CAB39: variants seen among roughly 807,000 people sequenced by gnomAD.
CAB39 encodes the protein calcium binding protein 39.
Under a neutral mutation model 40.0 loss-of-function variants are expected in CAB39, and 8 were observed. The observed-to-expected ratio is 0.20, with a 90% CI of 0.12 to 0.36. The LOEUF (loss-of-function observed/expected upper bound fraction) is 0.36. Among genes scored for constraint, CAB39 ranks in the 10% least tolerant of loss-of-function variants. The probability of loss-of-function intolerance (pLI) is 1.00; values close to 1 mark genes in which losing one functional copy is unlikely to be tolerated. For missense variants in CAB39, 270 were observed against 401.1 expected (o/e 0.67, Z 2.79); for synonymous variants, 156 against 141.6 (o/e 1.10, Z -0.72).
Position 230,768,253 on chromosome 2 carries a change from G to C in CAB39, c.114+8138G>C, listed in dbSNP as rs73093075. Among the ~76,000 whole-genome samples, 856 of 152,192 alleles carry C rather than the reference G, an allele frequency of 5.6e-3. 7 individuals are homozygous for C. Among genetic ancestry groups the C allele is most frequent in the African/African-American group, 0.019 (805 of 41,518 alleles). ...GACTGAGGAGAGAGTACCATAGCTA[G>C]GTATGTTCTCTGGATTCTGTGATGG... On this transcript the variant is annotated intron_variant, in intron 2 of 8. Coordinates refer to ENST00000258418, the MANE Select transcript of CAB39 (RefSeq NM_016289.4).
chr2:230,742,155 T>TTTTGTTTG lies in CAB39; in HGVS notation c.-43-17776_-43-17769dup, dbSNP rs147143513. 6.2e-3 allele frequency among the ~76,000 whole-genome samples: 940 copies of TTTTGTTTG among 151,106 alleles called. 9 individuals are homozygous for TTTTGTTTG. Among genetic ancestry groups the TTTTGTTTG allele is most frequent in the African/African-American group, 0.021 (857 of 41,088 alleles). On this transcript the variant is annotated intron_variant, in intron 1 of 8. Transcript: ENST00000258418. ...TTACAGATAAGTCTTTTTTGTTTTG[T>TTTTGTTTG]TTTGTTTGTTTGTTTGTTTGTTTGT...
intron 1 of CAB39, among the ~76,000 whole-genome samples, chr2:230,753,337 A>G (rs1279971706): frequency 6.6e-6 from 1 of 152,208 alleles, no homozygotes; most frequent in Non-Finnish European, 1.5e-5. Context: ...ATCAGAAGGA[A>G]GCCTGTCCCC....
intron 2 of CAB39, among the ~76,000 whole-genome samples, chr2:230,790,251 A>AG (rs1695870299): frequency 1.3e-5 from 2 of 152,086 alleles, no homozygotes; most frequent in African/African-American, 4.8e-5. Flanking sequence ...TCAAAAAAAA[A>AG]AAATGTCGTT....
chr2:230,819,201 T>A lies in CAB39; in HGVS notation c.*497T>A, dbSNP rs1241333818. ...AGAGGGGAGCTATCCAAAATGGGAGTTTGGGGGCAGCTAAAGTTGACATGC... is the reference window on the plus strand; with the variant it reads ...AGAGGGGAGCTATCCAAAATGGGAGATTGGGGGCAGCTAAAGTTGACATGC... On this transcript the variant is annotated 3_prime_UTR_variant, in exon 9 of 9. Transcript: ENST00000258418. 3 of 152,222 alleles carry A rather than the reference T, an allele frequency of 2.0e-5. No individual in the cohort carries two copies. The highest frequency in any genetic ancestry group is 4.8e-5 in the African/African-American group (2 of 41,384). The allele number at this position is 152,222 out of a possible 1,614,324, so 9.4% of individuals were successfully genotyped here. A position where few individuals can be genotyped will look rare whatever the true frequency, so the allele number is the denominator to read the frequency against.
At chr2:230,816,753 C>A (rs1696408850) in intron 7 of CAB39, among the ~76,000 whole-genome samples, 1 of 152,228 alleles carries the variant, frequency 6.6e-6, no homozygotes, top group Non-Finnish European at 1.5e-5. Context: ...TTTCTCACTG[C>A]ACTCTCCTGA....
At position 230,798,795 on chromosome 2, in the gene CAB39, A is replaced by G. The variant is rs1696034843; in HGVS notation, c.465A>G (p.Pro155=). The change falls in exon 5 of 9, where the codon CCA becomes CCG. Residue 155 remains proline (P), a synonymous_variant. Transcript: ENST00000258418. The part of the protein sequence containing the change: ...IMLRECIRHE[P]LAKIILWSEQ... Reference sequence around the variant, plus strand: ...TAAGAGAATGCATCAGACATGAACCACTTGCAAAAATCATTTTGTGGTCGG... The same window carrying G: ...TAAGAGAATGCATCAGACATGAACCGCTTGCAAAAATCATTTTGTGGTCGG... 1.9e-6 allele frequency: 3 copies of G among 1,611,070 alleles called. No homozygotes were observed. The highest frequency in any genetic ancestry group is 2.5e-6 in the Non-Finnish European group (3 of 1,178,626).
intron 1 of CAB39, among the ~76,000 whole-genome samples, chr2:230,739,733 A>G (rs1694844556): frequency 6.6e-6 from 1 of 152,196 alleles, no homozygotes; most frequent in African/African-American, 2.4e-5. Context: ...ACCTCGGGTG[A>G]TCCGCCCACC....
intron 4 of CAB39, among the ~76,000 whole-genome samples, chr2:230,793,701 C>T (rs894506163): frequency 2.1e-4 from 32 of 152,278 alleles, no homozygotes; most frequent in African/African-American, 7.7e-4. Flanking sequence ...GGACATAATA[C>T]GCACGCTGTA....
At chr2:230,776,374 A>G (rs1156521254) in intron 2 of CAB39, among the ~76,000 whole-genome samples, 7 of 152,194 alleles carry the variant, frequency 4.6e-5, no homozygotes, top group Admixed American at 1.3e-4. Context: ...ACTATATACA[A>G]TATCAAAACC....
chr2:230,765,706 A>AGAATACTACT (rs1695373733), intron 2 of CAB39, among the ~76,000 whole-genome samples: 1 of 152,070 alleles, frequency 6.6e-6, no homozygotes, highest in Non-Finnish European at 1.5e-5. Context: ...TAATGTCAGG[A>AGAATACTACT]GACATTACAG....
intron 2 of CAB39, among the ~76,000 whole-genome samples, chr2:230,761,438 C>G (rs570695856): frequency 4.6e-5 from 7 of 152,190 alleles, no homozygotes; most frequent in African/African-American, 1.4e-4. Flanking sequence ...GGTACTGGAA[C>G]TAAGGTGGTA....
intron 1 of CAB39, among the ~76,000 whole-genome samples, chr2:230,739,249 C>A (rs774554449): frequency 1.1e-4 from 17 of 152,264 alleles, no homozygotes; most frequent in Non-Finnish European, 2.2e-4. Context: ...CATTGATTAA[C>A]CTTTTGTATT....
At chr2:230,718,469 A>G (rs572249741) in intron 1 of CAB39, among the ~76,000 whole-genome samples, 5 of 152,342 alleles carry the variant, frequency 3.3e-5, no homozygotes, top group African/African-American at 1.2e-4. Context: ...TTGGAGAGGT[A>G]GTGTTAGCCA....
chr2:230,790,660 C>T (rs1695877819), intron 2 of CAB39, among the ~76,000 whole-genome samples: 1 of 152,140 alleles, frequency 6.6e-6, no homozygotes, highest in Admixed American at 6.5e-5. Context: ...ACATGCTGGC[C>T]TTCCTGTGGT....
intron 5 of CAB39, among the ~76,000 whole-genome samples, chr2:230,801,226 A>G (rs1016558816): frequency 1.1e-4 from 16 of 152,208 alleles, no homozygotes; most frequent in Admixed American, 2.0e-4. Flanking sequence ...ACCTCCCATC[A>G]TAATTTCAGG....
At chr2:230,778,014 C>T (rs1409780271) in intron 2 of CAB39, among the ~76,000 whole-genome samples, 1 of 152,108 alleles carries the variant, frequency 6.6e-6, no homozygotes, top group East Asian at 1.9e-4. Flanking sequence ...AAAGCCTTTG[C>T]CTCTGATAAG....
intron 5 of CAB39, among the ~76,000 whole-genome samples, chr2:230,802,872 A>G (rs1338003676): frequency 1.3e-5 from 2 of 152,194 alleles, no homozygotes; most frequent in Non-Finnish European, 2.9e-5. Flanking sequence ...TATTCCAATC[A>G]ACAGAAAAAG....
intron 1 of CAB39, among the ~76,000 whole-genome samples, chr2:230,733,357 C>T (rs889835995): frequency 6.6e-6 from 1 of 152,098 alleles, no homozygotes; most frequent in African/African-American, 2.4e-5. Flanking sequence ...ATCAGGTCCT[C>T]GGATGTCCCC....
chr2:230,801,610 G>A (rs780054056), intron 5 of CAB39, among the ~76,000 whole-genome samples: 1 of 152,114 alleles, frequency 6.6e-6, no homozygotes, highest in Non-Finnish European at 1.5e-5. Context: ...GGTGGCTCAC[G>A]CCTGTAATCC....
Sources: allele counts gnomAD v4.1 joint callset (sites outside exome capture counted in the v4.1 genomes callset), GRCh38; gene constraint gnomAD v4.1.1; transcripts MANE v1.5; gene names NCBI Gene and HGNC (gene_info 2026-07-23, HGNC 2026-07-21).